Variants in TMEM132B observed in about 807,000 individuals in gnomAD.
TMEM132B encodes transmembrane protein 132B.
TMEM132B carries 18 observed loss-of-function variants against 90.8 expected under a neutral mutation model. The observed-to-expected ratio is 0.20, with a 90% CI of 0.14 to 0.29. TMEM132B has a LOEUF of 0.29. Ranked by LOEUF, TMEM132B falls within the 10% of genes least tolerant of loss-of-function variation. The probability of loss-of-function intolerance (pLI) is 1.00; values close to 1 mark genes in which losing one functional copy is unlikely to be tolerated. For missense variants in TMEM132B, 1,096 were observed against 1,326.8 expected (o/e 0.83, Z 2.70); for synonymous variants, 504 against 523.3 (o/e 0.96, Z 0.50).
rs1316530639 is a variant in TMEM132B at position 125,408,914 on chromosome 12, GAGTA to G, written c.960-6613_960-6610del. On this transcript the variant is annotated intron_variant, in intron 2 of 8. Coordinates refer to ENST00000682704, the MANE Select transcript of TMEM132B (RefSeq NM_001366854.1). This position sits in a 1 kb window ranked among gnomAD's most constrained non-coding sequence, Gnocchi z 5.9. ...CTCTTTTCAGTTTAGCCATTCTGCT[GAGTA>G]AGTGTTTTGACTTTTGTACTGCACA... is the stretch of plus-strand genomic sequence containing the variant. Among the ~76,000 whole-genome samples, 2 of 152,146 alleles carry G rather than the reference GAGTA, an allele frequency of 1.3e-5. No individual in the cohort carries two copies. Among genetic ancestry groups the G allele is most frequent in the African/African-American group, 4.8e-5 (2 of 41,418 alleles).
intron 2 of TMEM132B, among the ~76,000 whole-genome samples, chr12:125,381,395 G>A (rs1878676208): frequency 6.6e-6 from 1 of 152,184 alleles, no homozygotes; most frequent in Non-Finnish European, 1.5e-5. Flanking sequence ...GGGTCCCTGG[G>A]ACGTCATACC....
intron 1 of TMEM132B, among the ~76,000 whole-genome samples, chr12:125,323,142 C>T (rs111454362): frequency 8.5e-5 from 13 of 152,118 alleles, no homozygotes; most frequent in Non-Finnish European, 1.2e-4. Flanking sequence ...TTTGCCACTA[C>T]GAAAATGACT....
chr12:125,413,736 T>A (rs1192048148), intron 2 of TMEM132B, among the ~76,000 whole-genome samples: 4 of 152,220 alleles, frequency 2.6e-5, no homozygotes, highest in African/African-American at 9.6e-5. Context: ...TATTTATCCC[T>A]CCATCATAGA....
At chr12:125,294,336 G>A (rs1022762481) in intron 1 of TMEM132B, among the ~76,000 whole-genome samples, 3 of 152,218 alleles carry the variant, frequency 2.0e-5, no homozygotes, top group Non-Finnish European at 4.4e-5. Context: ...AGCCAGACCT[G>A]GTAGAGATTT....
intron 1 of TMEM132B, among the ~76,000 whole-genome samples, chr12:125,338,043 C>T (rs904715960): frequency 6.6e-6 from 1 of 152,216 alleles, no homozygotes; most frequent in Admixed American, 6.5e-5. Flanking sequence ...ACACCTTCTT[C>T]CCTTTTTCAC....
At chr12:125,361,919 T>C (rs914088454) in intron 2 of TMEM132B, among the ~76,000 whole-genome samples, 1 of 152,234 alleles carries the variant, frequency 6.6e-6, no homozygotes, top group Non-Finnish European at 1.5e-5. Flanking sequence ...ATCACAACTT[T>C]GGAAAATTGG....
At chr12:125,227,744 C>T (rs891740145) in intron 1 of TMEM132B, among the ~76,000 whole-genome samples, 1 of 152,154 alleles carries the variant, frequency 6.6e-6, no homozygotes, top group African/African-American at 2.4e-5. Flanking sequence ...CAGCATTCCA[C>T]GATTGACACC....
chr12:125,298,459 A>T (rs1450786774), intron 1 of TMEM132B, among the ~76,000 whole-genome samples: 1 of 151,562 alleles, frequency 6.6e-6, no homozygotes, highest in African/African-American at 2.4e-5. Flanking sequence ...GGATCACCTG[A>T]GATCAGGGGT....
At chr12:125,327,195 C>G (rs1175557090) in intron 1 of TMEM132B, among the ~76,000 whole-genome samples, 2 of 152,168 alleles carry the variant, frequency 1.3e-5, no homozygotes, top group Non-Finnish European at 2.9e-5. Flanking sequence ...ACACCCAAAT[C>G]TCCTTCTAGC....
intron 1 of TMEM132B, among the ~76,000 whole-genome samples, chr12:125,238,407 T>C (rs1316377589): frequency 6.6e-6 from 1 of 150,550 alleles, no homozygotes; most frequent in African/African-American, 2.5e-5. Context: ...AAAAACGCAG[T>C]CTCAGATGTG....
rs553927589 is a variant in TMEM132B, at chr12:125,468,998, A to G, written c.1107-50441A>G. ...TTGTGTGGAATCCTTGGGGTTTTCT[A>G]CCTATCAAATCATATTACCTGTGAA... On this transcript the variant is annotated intron_variant, in intron 3 of 8. Transcript: ENST00000682704. 2.5e-3 allele frequency among the ~76,000 whole-genome samples: 377 copies of G among 152,282 alleles called. 2 individuals are homozygous for G. The highest frequency in any genetic ancestry group is 8.7e-3 in the African/African-American group (360 of 41,558).
chr12:125,379,629 T>C (rs1671840109), intron 2 of TMEM132B, among the ~76,000 whole-genome samples: 1 of 152,182 alleles, frequency 6.6e-6, no homozygotes, highest in South Asian at 2.1e-4. Flanking sequence ...ACTAAGCTTG[T>C]GGTGGTTTGT....
At chr12:125,545,002 T>A (rs1287261169) in intron 4 of TMEM132B, among the ~76,000 whole-genome samples, 4 of 152,222 alleles carry the variant, frequency 2.6e-5, no homozygotes. Flanking sequence ...GCTGTGTGAT[T>A]CAGAGAATAT....
chr12:125,191,995 GGAAAGGAGGCAA>G (rs1872805642), intron 1 of TMEM132B, among the ~76,000 whole-genome samples: 1 of 152,298 alleles, frequency 6.6e-6, no homozygotes, highest in Admixed American at 6.5e-5. Flanking sequence ...TCCCAGGACA[GGAAAGGAGGCAA>G]GAAAGGAAGG....
At position 125,406,264 on chromosome 12, in the gene TMEM132B, T is replaced by C. The variant is rs1248374990; in HGVS notation, c.960-9267T>C. On this transcript the variant is annotated intron_variant, in intron 2 of 8. Coordinates refer to ENST00000682704, the MANE Select transcript of TMEM132B (RefSeq NM_001366854.1). This position sits in a 1 kb window ranked among gnomAD's most constrained non-coding sequence, Gnocchi z 8.3. ...GTCATACCCACACAATTTGCCTGTC[T>C]AGTGATGCTCATCAAGTTTCCTCAT... Among the ~76,000 whole-genome samples, 3 of 152,206 alleles carry C rather than the reference T, an allele frequency of 2.0e-5. No homozygotes were observed.
chr12:125,341,063 G>C (rs1257582017), intron 1 of TMEM132B, among the ~76,000 whole-genome samples: 1 of 152,224 alleles, frequency 6.6e-6, no homozygotes, highest in Non-Finnish European at 1.5e-5. Flanking sequence ...GGGCAATTCA[G>C]AGCCACATAT....
intron 1 of TMEM132B, among the ~76,000 whole-genome samples, chr12:125,274,947 A>G (rs1874948025): frequency 6.6e-6 from 1 of 152,132 alleles, no homozygotes; most frequent in Non-Finnish European, 1.5e-5. Flanking sequence ...AAAAAAAATA[A>G]CCTAAGGATT....
At position 125,584,415 on chromosome 12, in the gene TMEM132B, G is replaced by A. The variant is rs79118347; in HGVS notation, c.1437+421G>A. 8.1e-3 allele frequency: 1,435 copies of A among 177,184 alleles called. 15 individuals carry two copies. Among genetic ancestry groups the A allele is most frequent in the African/African-American group, 0.03 (1,246 of 41,860 alleles). The allele number at this position is 177,184 out of a possible 1,614,324, so 11.0% of individuals were successfully genotyped here. A position where few individuals can be genotyped will look rare whatever the true frequency, so the allele number is the denominator to read the frequency against. On this transcript the variant is annotated intron_variant, in intron 5 of 8. Coordinates refer to ENST00000682704, the MANE Select transcript of TMEM132B (RefSeq NM_001366854.1). ...TTTCTTTAAATGCCTTGCTTCTTTCGGGTAGCCAGTTAGCTCAGTGGGTTA... is the reference window on the plus strand; with the variant it reads ...TTTCTTTAAATGCCTTGCTTCTTTCAGGTAGCCAGTTAGCTCAGTGGGTTA...
chr12:125,226,473 T>C (rs960652764), intron 1 of TMEM132B, among the ~76,000 whole-genome samples: 5 of 152,228 alleles, frequency 3.3e-5, no homozygotes, highest in African/African-American at 1.2e-4. Flanking sequence ...GGCACTATTG[T>C]CTGTCCCATT....
Sources: allele counts gnomAD v4.1 joint callset (sites outside exome capture counted in the v4.1 genomes callset), GRCh38; gene constraint gnomAD v4.1.1; non-coding constraint Gnocchi (gnomAD v3.1); transcripts MANE v1.5; gene names NCBI Gene and HGNC (gene_info 2026-07-23, HGNC 2026-07-21).